ZNF317: variants seen among roughly 807,000 people sequenced by gnomAD.
ZNF317 encodes the protein KRAB-containing zinc finger protein 317.
A neutral mutation model predicts 23.4 loss-of-function variants in ZNF317; 17 were observed. That is an observed-to-expected ratio of 0.73 (90% CI 0.50 to 1.09). The LOEUF (loss-of-function observed/expected upper bound fraction) is 1.09, where lower values mean the gene tolerates loss of function less well. Among genes scored for constraint, ZNF317 ranks in the 50% least tolerant of loss-of-function variants. The pLI is 0.00. For missense variants in ZNF317, 679 were observed against 796.7 expected, an observed-to-expected ratio of 0.85 and a Z score of 1.78; for synonymous variants, 317 against 314.9, an observed-to-expected ratio of 1.01 and a Z score of -0.07.
intron 3 of ZNF317, 32 bp from the exon 4 acceptor site, chr19:9,157,236 C>G (rs757483312): frequency 6.2e-7 from 1 of 1,610,508 alleles, no homozygotes; most frequent in African/African-American, 1.3e-5. Context: ...AGGCTGGTTC[C>G]TCGCTGACCC....
chr19:9,156,497 G>A (rs1302804920), intron 2 of ZNF317, 115 bp from the exon 3 acceptor site: 3 of 1,331,062 alleles, frequency 2.3e-6, no homozygotes, highest in African/African-American at 1.5e-5. Context: ...AAGAGAGAGA[G>A]AGGATTGAGG....
intron 1 of ZNF317, among the ~76,000 whole-genome samples, chr19:9,141,869 A>G (rs1051508779): frequency 6.6e-5 from 10 of 152,122 alleles, no homozygotes; most frequent in African/African-American, 2.4e-4. Context: ...GTGCAATGAC[A>G]ATCTCGGCTC....
rs1364410825 is a variant in ZNF317 at position 9,160,599 on chromosome 19, C to T, written c.954C>T (p.Ser318=). The T allele has an allele frequency of 1.2e-6, 2 of 1,613,910 alleles. No individual in the cohort carries two copies. The highest frequency in any genetic ancestry group is 1.7e-6 in the Non-Finnish European group (2 of 1,180,026). Residue 318 remains serine (S), a synonymous_variant, in exon 7 of 7, where the codon AGC becomes AGT. Coordinates refer to ENST00000247956, the MANE Select transcript of ZNF317 (RefSeq NM_020933.5). This position sits in a 1 kb window ranked among gnomAD's most constrained non-coding sequence, Gnocchi z 6.8. ...AGTGCGGGAAGGCTTACGGCCGGAGCTGCCACCTCATCGCACACAAGAGAA... is the reference window on the plus strand; with the variant it reads ...AGTGCGGGAAGGCTTACGGCCGGAGTTGCCACCTCATCGCACACAAGAGAA... ...CDQCGKAYGR[S]CHLIAHKRTH...
chr19:9,148,226 T>C (rs1217589091), intron 1 of ZNF317, among the ~76,000 whole-genome samples: 1 of 152,212 alleles, frequency 6.6e-6, no homozygotes, highest in Admixed American at 6.5e-5. Context: ...AGTGCGAGAA[T>C]GGACTAATAC....
chr19:9,152,657 C>G (rs891438209), intron 1 of ZNF317, among the ~76,000 whole-genome samples: 4 of 152,200 alleles, frequency 2.6e-5, no homozygotes, highest in Non-Finnish European at 5.9e-5. Flanking sequence ...AAAACACTCT[C>G]AGGGCTTCCA....
At chr19:9,158,135 T>A (rs2050806369) in intron 5 of ZNF317, 60 bp downstream of exon 5, 4 of 1,502,704 alleles carry the variant, frequency 2.7e-6, no homozygotes, top group Non-Finnish European at 3.6e-6. Flanking sequence ...GTGACTGGGG[T>A]GGAGGGAGGT....
intron 1 of ZNF317, among the ~76,000 whole-genome samples, chr19:9,141,536 T>G (rs886303300): frequency 6.6e-6 from 1 of 152,232 alleles, no homozygotes; most frequent in Admixed American, 6.5e-5. Flanking sequence ...TCTGTATTGA[T>G]TCAAGCACAC....
In ZNF317 at chr19:9,156,061, C is replaced by T. The variant is rs374278003; in HGVS notation, c.25+20C>T. ...CATTTGGTAAGTTCTTGGGTCAGTGCGTGCCCTGAGAAAGTGAGTGCAAGT... is the reference window on the plus strand; with the variant it reads ...CATTTGGTAAGTTCTTGGGTCAGTGTGTGCCCTGAGAAAGTGAGTGCAAGT... On this transcript the variant is annotated intron_variant, in intron 2 of 6. Coordinates refer to ENST00000247956, the MANE Select transcript of ZNF317 (RefSeq NM_020933.5). The T allele has an allele frequency of 3.7e-5, 59 of 1,613,872 alleles. No homozygotes were observed. The highest frequency in any genetic ancestry group is 4.1e-5 in the Non-Finnish European group (48 of 1,179,978).
At chr19:9,156,776 G>C in intron 3 of ZNF317, 28 bp downstream of exon 3, 1 of 1,606,516 alleles carries the variant, frequency 6.2e-7, no homozygotes, top group Non-Finnish European at 8.5e-7. Flanking sequence ...GGTCCCTAGA[G>C]CAGGAGAGGC....
chr19:9,156,482 G>A lies in ZNF317; in HGVS notation c.26-130G>A, dbSNP rs748947213. 3.3e-6 allele frequency: 4 copies of A among 1,218,682 alleles called. No individual in the cohort carries two copies. In the Admixed American group the frequency reaches 8.8e-5, roughly 27 times the overall value. The allele number at this position is 1,218,682 out of a possible 1,614,324, so 75.5% of individuals were successfully genotyped here. A position where few individuals can be genotyped will look rare whatever the true frequency, so the allele number is the denominator to read the frequency against. On this transcript the variant is annotated intron_variant, in intron 2 of 6. Coordinates refer to ENST00000247956, the MANE Select transcript of ZNF317 (RefSeq NM_020933.5). ...ACTGATGTGTGCAAGAGAGGTGGGG[G>A]GAGGAAGAGAGAGAGAGGATTGAGG...
chr19:9,156,294 T>C (rs1450565670), intron 2 of ZNF317, among the ~76,000 whole-genome samples: 7 of 152,080 alleles, frequency 4.6e-5, no homozygotes, highest in Admixed American at 1.3e-4. Context: ...CCCTGAGTTA[T>C]CTCATTTATT....
chr19:9,151,907 C>CTTTTT (rs57588267), intron 1 of ZNF317, among the ~76,000 whole-genome samples: 4 of 128,810 alleles, frequency 3.1e-5, no homozygotes, highest in African/African-American at 6.0e-5. Context: ...TGGTCCTGGA[C>CTTTTT]TTTTTTTTTT....
chr19:9,156,992 G>A (rs1343429516), intron 3 of ZNF317: 2 of 636,718 alleles, frequency 3.1e-6, no homozygotes, highest in Non-Finnish European at 5.3e-6. Context: ...AGAGACGGGG[G>A]GAAATAAAGG....
intron 1 of ZNF317, among the ~76,000 whole-genome samples, chr19:9,144,000 TTTCTTTCTTTC>T (rs1345361769): frequency 6.7e-6 from 1 of 150,156 alleles, no homozygotes; most frequent in Admixed American, 6.7e-5. Flanking sequence ...TCTTTCTTTC[TTTCTTTCTTTC>T]TTTTTTTTGA....
At chr19:9,158,660 C>T (rs570071113) in intron 5 of ZNF317, among the ~76,000 whole-genome samples, 166 bp from the exon 6 acceptor site, 1 of 152,158 alleles carries the variant, frequency 6.6e-6, no homozygotes, top group South Asian at 2.1e-4. Flanking sequence ...AAATTTCTAC[C>T]CCTGGCATTG....
At chr19:9,148,461 T>C (rs535620034) in intron 1 of ZNF317, among the ~76,000 whole-genome samples, 3 of 152,326 alleles carry the variant, frequency 2.0e-5, no homozygotes, top group South Asian at 4.1e-4. Flanking sequence ...GGCTAAGCCA[T>C]AGGGCTGTGT....
Position 9,157,492 on chromosome 19 carries a change from G to A in ZNF317, c.289+98G>A, listed in dbSNP as rs186094276. ...CAGGAACTATGCAGCGGTTCAGAAC[G>A]CAGCTGTGAACAAGCAGCCCCAGCA... On this transcript the variant is annotated intron_variant, in intron 4 of 6. Transcript: ENST00000247956. 2.1e-5 allele frequency: 32 copies of A among 1,501,360 alleles called. No individual in the cohort carries two copies. In the East Asian group the frequency reaches 3.3e-4, roughly 15 times the overall value. 93.0% of individuals were successfully genotyped at this position (1,501,360 alleles called of 1,614,324 possible).
At chr19:9,157,516 C>T (rs2050797179) in intron 4 of ZNF317, 122 bp downstream of exon 4, 2 of 1,314,668 alleles carry the variant, frequency 1.5e-6, no homozygotes, top group Non-Finnish European at 1.0e-6. Flanking sequence ...GCAGCCCCAG[C>T]ACCCATGCTT....
chr19:9,155,160 C>G (rs2050771306), intron 1 of ZNF317, among the ~76,000 whole-genome samples: 1 of 151,922 alleles, frequency 6.6e-6, no homozygotes, highest in Non-Finnish European at 1.5e-5. Context: ...ATATTTTTTT[C>G]CCAATCCGTG....
Sources: allele counts gnomAD v4.1 joint callset (sites outside exome capture counted in the v4.1 genomes callset), GRCh38; gene constraint gnomAD v4.1.1; non-coding constraint Gnocchi (gnomAD v3.1); transcripts MANE v1.5; gene names NCBI Gene and HGNC (gene_info 2026-07-23, HGNC 2026-07-21).